Variants in PGAP1 observed in about 807,000 individuals in gnomAD.
PGAP1 encodes the protein GPI inositol-deacylase.
A neutral mutation model predicts 127.0 loss-of-function variants in PGAP1; 76 were observed. The observed-to-expected ratio is 0.60, with a 90% CI of 0.50 to 0.72. PGAP1 has a LOEUF of 0.72. Among genes scored for constraint, PGAP1 ranks in the 30% least tolerant of loss-of-function variants. The pLI is 0.00. For synonymous variants in PGAP1, 362 were observed against 366.5 expected (o/e 0.99, Z 0.14); for missense variants, 982 against 1,071.3 (o/e 0.92, Z 1.16).
chr2:196,924,311 A>T (rs144630815), intron 1 of PGAP1, among the ~76,000 whole-genome samples: 1 of 152,362 alleles, frequency 6.6e-6, no homozygotes, highest in African/African-American at 2.4e-5. Context: ...ACATCTGGGT[A>T]TCAACCTGTG....
intron 20 of PGAP1, among the ~76,000 whole-genome samples, chr2:196,857,791 C>T (rs1700932861): frequency 6.6e-6 from 1 of 152,164 alleles, no homozygotes; most frequent in Non-Finnish European, 1.5e-5. Flanking sequence ...GAACATCTGC[C>T]CAGCAACTGC....
intron 12 of PGAP1, among the ~76,000 whole-genome samples, chr2:196,881,886 A>T (rs913071219): frequency 6.6e-6 from 1 of 151,664 alleles, no homozygotes; most frequent in Non-Finnish European, 1.5e-5. Flanking sequence ...CCCATTTGTC[A>T]ATTTTTGCTT....
At chr2:196,914,618 TCAAACAAAAC>T (rs1182500355) in intron 3 of PGAP1, among the ~76,000 whole-genome samples, 1 of 101,744 alleles carries the variant, frequency 9.8e-6, no homozygotes, top group Non-Finnish European at 1.9e-5. Context: ...AGACCCTGTC[TCAAACAAAAC>T]AAAACAAAAC....
At chr2:196,893,072 A>G (rs1702156043) in intron 8 of PGAP1, 68 bp downstream of exon 8, 1 of 918,160 alleles carries the variant, frequency 1.1e-6, no homozygotes. Flanking sequence ...TGTCTGCTAT[A>G]AACAAATTTA....
At chr2:196,874,017 C>G in intron 14 of PGAP1, 1 of 301,680 alleles carries the variant, frequency 3.3e-6, no homozygotes, top group Admixed American at 4.7e-5. Flanking sequence ...GGTGTACTTT[C>G]TTGGTAGATC....
At chr2:196,901,089 A>G (rs1702474058) in intron 5 of PGAP1, among the ~76,000 whole-genome samples, 1 of 152,212 alleles carries the variant, frequency 6.6e-6, no homozygotes, top group South Asian at 2.1e-4. Flanking sequence ...TTCTCCAGAC[A>G]AGGTCCAGGA....
At chr2:196,914,568 C>A (rs1230053224) in intron 3 of PGAP1, among the ~76,000 whole-genome samples, 1 of 152,100 alleles carries the variant, frequency 6.6e-6, no homozygotes, top group Non-Finnish European at 1.5e-5. Flanking sequence ...TTGCAGTGAG[C>A]TGAGATTGCA....
chr2:196,862,038 A>T, intron 20 of PGAP1, among the ~76,000 whole-genome samples: 1 of 152,040 alleles, frequency 6.6e-6, no homozygotes, highest in East Asian at 1.9e-4. Context: ...AAAGAACAGG[A>T]TAACAGCAAT....
chr2:196,841,002 C>G lies in PGAP1; in HGVS notation c.*232G>C. 2 of 450,816 alleles carry G rather than the reference C, an allele frequency of 4.4e-6. No individual in the cohort carries two copies. The highest frequency in any genetic ancestry group is 7.9e-6 in the Non-Finnish European group (2 of 253,920). The allele number at this position is 450,816 out of a possible 1,614,324, so 27.9% of individuals were successfully genotyped here. On this transcript the variant is annotated 3_prime_UTR_variant, in exon 27 of 27. Coordinates refer to ENST00000354764, the MANE Select transcript of PGAP1 (RefSeq NM_024989.4). ...TCAATGATAGTGATCACCATATATC[C>G]CTTCATGAATTTTTCAAAAATGATT... is the stretch of plus-strand genomic sequence containing the variant.
chr2:196,839,974 T>C lies in PGAP1; in HGVS notation c.*1260A>G, dbSNP rs760935647. Reference sequence around the variant, plus strand: ...ATCTAGAAGAACTCTATAAGCCGGGTATGTCTCAGCCTGAGTTTACGCTAT... The same window carrying C: ...ATCTAGAAGAACTCTATAAGCCGGGCATGTCTCAGCCTGAGTTTACGCTAT... On this transcript the variant is annotated 3_prime_UTR_variant, in exon 27 of 27. Coordinates refer to ENST00000354764, the MANE Select transcript of PGAP1 (RefSeq NM_024989.4). The C allele has an allele frequency of 6.6e-6, 1 of 152,174 alleles. No individual in the cohort carries two copies. The highest frequency in any genetic ancestry group is 1.5e-5 in the Non-Finnish European group (1 of 68,020). The allele number at this position is 152,174 out of a possible 1,614,324, so 9.4% of individuals were successfully genotyped here. A position where few individuals can be genotyped will look rare whatever the true frequency, so the allele number is the denominator to read the frequency against.
chr2:196,913,412 G>C (rs1702900215), intron 3 of PGAP1, among the ~76,000 whole-genome samples: 2 of 152,096 alleles, frequency 1.3e-5, no homozygotes, highest in Admixed American at 1.3e-4. Context: ...CGGATAATTT[G>C]TTTGAAACTG....
In PGAP1 at chr2:196,860,444, GA is replaced by G. The variant is rs536646427; in HGVS notation, c.1861+4542del. ...AGCTATTCAGGAGGCTGAGACAGAA[GA>G]ATCACTTCAACCTGGGAGGCAGAGT... On this transcript the variant is annotated intron_variant, in intron 20 of 26. Coordinates refer to ENST00000354764, the MANE Select transcript of PGAP1 (RefSeq NM_024989.4). Among the ~76,000 whole-genome samples the G allele has an allele frequency of 2.5e-3, 374 of 152,158 alleles. 2 individuals carry two copies. Among genetic ancestry groups the G allele is most frequent in the African/African-American group, 8.6e-3 (357 of 41,512 alleles).
intron 12 of PGAP1, among the ~76,000 whole-genome samples, chr2:196,881,139 C>G (rs1395060381): frequency 6.6e-6 from 1 of 152,158 alleles, no homozygotes; most frequent in African/African-American, 2.4e-5. Flanking sequence ...TCTCTTCCTG[C>G]ATTCATTTGC....
chr2:196,917,376 A>G (rs1314115041), intron 2 of PGAP1, among the ~76,000 whole-genome samples: 1 of 152,208 alleles, frequency 6.6e-6, no homozygotes, highest in Non-Finnish European at 1.5e-5. Context: ...TAAAACTGTA[A>G]AATTCGATGG....
At chr2:196,868,980 A>AT (rs1191407260) in intron 19 of PGAP1, among the ~76,000 whole-genome samples, 1 of 152,158 alleles carries the variant, frequency 6.6e-6, no homozygotes, top group African/African-American at 2.4e-5. Context: ...AATACAAATT[A>AT]TTTTTTTAAT....
At chr2:196,851,343 C>T (rs1180312959) in intron 20 of PGAP1, among the ~76,000 whole-genome samples, 2 of 152,134 alleles carry the variant, frequency 1.3e-5, no homozygotes, top group African/African-American at 4.8e-5. Context: ...CTGAGGACAT[C>T]TGCCCAGCAA....
chr2:196,837,659 CA>C lies in PGAP1; in HGVS notation c.*3574del, dbSNP rs1700274176. 6.6e-6 allele frequency: 1 copy of C among 152,050 alleles called. No individual in the cohort carries two copies. The highest frequency in any genetic ancestry group is 2.1e-4 in the South Asian group (1 of 4,824). 9.4% of individuals were successfully genotyped at this position (152,050 alleles called of 1,614,324 possible). A position where few individuals can be genotyped will look rare whatever the true frequency, so the allele number is the denominator to read the frequency against. ...AAACATATAGGAACTAAATAATGAA[CA>C]AAACAAATAATCCACCTCATGTAAG... On this transcript the variant is annotated 3_prime_UTR_variant, in exon 27 of 27. Coordinates refer to ENST00000354764, the MANE Select transcript of PGAP1 (RefSeq NM_024989.4).
Position 196,841,294 on chromosome 2 carries a change from A to C in PGAP1, c.2709T>G (p.Tyr903Ter), listed in dbSNP as rs750068372. ...GAATGAAGACAAAGCATGGAAGCCT[A>C]TATAAATGTGCTGACCCAAAAGCAA... ...GVIAFGSAHL[Y>*]RLPCFVFIPL... is the part of the protein sequence containing the mutation. Residue 903 changes from tyrosine (Y) to a stop codon, truncating the protein, a stop_gained, in exon 27 of 27, where the codon TAT becomes TAG. Transcript: ENST00000354764. LOFTEE classifies it high-confidence loss of function. 3 of 1,613,892 alleles carry C rather than the reference A, an allele frequency of 1.9e-6. No homozygotes were observed. Among genetic ancestry groups the C allele is most frequent in the Non-Finnish European group, 2.5e-6 (3 of 1,179,910 alleles).
chr2:196,919,544 CTA>C (rs1468390652), intron 2 of PGAP1, among the ~76,000 whole-genome samples: 20 of 152,320 alleles, frequency 1.3e-4, no homozygotes, highest in African/African-American at 4.8e-4. Context: ...TCTCACCTTT[CTA>C]TGTTCCCCCC....
Sources: gnomAD v4.1 joint callset for allele counts (sites outside exome capture counted in the v4.1 genomes callset) on GRCh38, gnomAD v4.1.1 for gene constraint, MANE v1.5 for transcripts, NCBI Gene and HGNC (gene_info 2026-07-23, HGNC 2026-07-21) for gene names.